Variants in SGCE observed in about 807,000 individuals in gnomAD.
SGCE encodes sarcoglycan epsilon, also known as epsilon-sarcoglycan.
Under a neutral mutation model 57.8 loss-of-function variants are expected in SGCE, and 26 were observed. That is an observed-to-expected ratio of 0.45 (90% confidence interval 0.33 to 0.62). The LOEUF is 0.62. Among genes scored for constraint, SGCE ranks in the 20% least tolerant of loss-of-function variants. The probability of loss-of-function intolerance (pLI) is 0.02; values close to 1 mark genes in which losing one functional copy is unlikely to be tolerated. For synonymous variants in SGCE, 183 were observed against 189.5 expected (o/e 0.97, Z 0.28); for missense variants, 468 against 548.6 (o/e 0.85, Z 1.47).
chr7:94,651,311 T>A (rs1807837703), intron 1 of SGCE, among the ~76,000 whole-genome samples: 1 of 152,228 alleles, frequency 6.6e-6, no homozygotes, highest in Non-Finnish European at 1.5e-5. Context: ...TTTCAATTAA[T>A]CCATGGATTT....
At chr7:94,647,189 C>T (rs529943792) in intron 1 of SGCE, among the ~76,000 whole-genome samples, 24 of 152,088 alleles carry the variant, frequency 1.6e-4, no homozygotes, top group South Asian at 8.3e-4. Context: ...CAAACTAGGA[C>T]CCATACTCTT....
intron 5 of SGCE, among the ~76,000 whole-genome samples, chr7:94,612,506 G>A (rs992087134): frequency 1.3e-5 from 2 of 152,096 alleles, no homozygotes; most frequent in African/African-American, 4.8e-5. Context: ...TTTTATGGCA[G>A]TATAATTTCT....
At chr7:94,609,042 C>T (rs1800599086) in intron 5 of SGCE, among the ~76,000 whole-genome samples, 1 of 152,058 alleles carries the variant, frequency 6.6e-6, no homozygotes, top group Admixed American at 6.6e-5. Flanking sequence ...AAGGCACAAT[C>T]CATGAAAGAA....
chr7:94,624,402 A>G (rs1195141551), intron 3 of SGCE: 2 of 392,906 alleles, frequency 5.1e-6, no homozygotes, highest in East Asian at 7.2e-5. Flanking sequence ...AGAATTTTGA[A>G]ATAAATAATT....
intron 1 of SGCE, among the ~76,000 whole-genome samples, chr7:94,649,640 A>G (rs907541692): frequency 1.3e-5 from 2 of 152,344 alleles, no homozygotes; most frequent in Middle Eastern, 6.8e-3. Context: ...TGTTTGCATT[A>G]TTACAATCCC....
intron 1 of SGCE, among the ~76,000 whole-genome samples, chr7:94,630,769 C>T (rs908454624): frequency 6.6e-6 from 1 of 151,856 alleles, no homozygotes; most frequent in Non-Finnish European, 1.5e-5. Flanking sequence ...GAGATAAACC[C>T]TATCAGGCCA....
At chr7:94,639,297 A>T in intron 1 of SGCE, 1 of 1,178,378 alleles carries the variant, frequency 8.5e-7, no homozygotes, top group Non-Finnish European at 1.2e-6. Flanking sequence ...GCAGACATTT[A>T]ATTGGCTCCC....
chr7:94,594,885 AAC>A (rs1301525574), intron 9 of SGCE, among the ~76,000 whole-genome samples: 6 of 152,122 alleles, frequency 3.9e-5, no homozygotes, highest in African/African-American at 1.4e-4. Context: ...AAGCAAAAGA[AAC>A]ACAGTACAAA....
rs1023091295 is a variant in SGCE, at chr7:94,588,709, A to C, written c.1277T>G (p.Ile426Ser). 6.2e-7 allele frequency: 1 copy of C among 1,609,570 alleles called. No individual in the cohort carries two copies. Among genetic ancestry groups the C allele is most frequent in the African/African-American group, 1.3e-5 (1 of 74,802 alleles). Residue 426 changes from isoleucine to serine, a missense_variant, in exon 10 of 11, where the codon ATT (isoleucine) becomes AGT (serine). Ile to Ser is a moderately radical substitution (Grantham distance 142). Coordinates refer to ENST00000648936, the MANE Select transcript of SGCE (RefSeq NM_003919.3). ...TQQNLPHQTQ[I>S]PQQQTTGKWY... ...CTCACCTGTAGTCTGCTGTTGGGGA[A>C]TCTGAGTCTGATGTGGCAAGTTCCT...
chr7:94,637,258 A>G (rs1401619092), intron 1 of SGCE, among the ~76,000 whole-genome samples: 1 of 148,850 alleles, frequency 6.7e-6, no homozygotes, highest in Non-Finnish European at 1.5e-5. Flanking sequence ...AGTATTTGTT[A>G]TTATAATTTT....
At chr7:94,604,612 G>A (rs1188316331) in intron 5 of SGCE, among the ~76,000 whole-genome samples, 1 of 150,052 alleles carries the variant, frequency 6.7e-6, no homozygotes, top group Admixed American at 6.7e-5. Context: ...TATCATCACA[G>A]GTACCAAGAC....
intron 1 of SGCE, among the ~76,000 whole-genome samples, chr7:94,635,084 A>G (rs1805415237): frequency 6.6e-6 from 1 of 152,190 alleles, no homozygotes; most frequent in Admixed American, 6.6e-5. Flanking sequence ...ACTTATTAAT[A>G]AGCAATTAAA....
intron 1 of SGCE, chr7:94,644,711 T>C (rs1458384644): frequency 4.1e-6 from 4 of 987,396 alleles, no homozygotes; most frequent in Admixed American, 4.7e-5. Context: ...GTTGGTTATA[T>C]AGCTCACGTG....
intron 5 of SGCE, among the ~76,000 whole-genome samples, chr7:94,611,557 T>C (rs1189038038): frequency 2.0e-5 from 3 of 152,158 alleles, no homozygotes; most frequent in Non-Finnish European, 4.4e-5. Context: ...AACAACTTTC[T>C]AAAATTGGTT....
chr7:94,597,755 T>A (rs902012351), intron 9 of SGCE: 1 of 152,294 alleles, frequency 6.6e-6, no homozygotes, highest in Admixed American at 6.6e-5. Context: ...ACACCTGTAA[T>A]CCCAGTACTT....
intron 8 of SGCE, chr7:94,599,431 CATAAT>C: frequency 2.2e-6 from 1 of 449,560 alleles, no homozygotes; most frequent in Non-Finnish European, 3.9e-6. Context: ...TTGGAAATCA[CATAAT>C]ATAAATGGTA....
At chr7:94,613,618 C>A (rs181736253) in intron 5 of SGCE, among the ~76,000 whole-genome samples, 36 of 152,164 alleles carry the variant, frequency 2.4e-4, no homozygotes, top group Admixed American at 5.2e-4. Flanking sequence ...TTATTGAGGC[C>A]TTTACATTTA....
At chr7:94,619,762 C>T (rs1418347050) in intron 4 of SGCE, 1 of 152,164 alleles carries the variant, frequency 6.6e-6, no homozygotes, top group African/African-American at 2.4e-5. Context: ...ATTCTCACAA[C>T]AAGAGGGTGT....
At chr7:94,606,108 C>T (rs1407212661) in intron 5 of SGCE, among the ~76,000 whole-genome samples, 5 of 152,100 alleles carry the variant, frequency 3.3e-5, no homozygotes, top group African/African-American at 9.7e-5. Flanking sequence ...GGATTACAGG[C>T]GTGAGCTACC....
Sources: gnomAD v4.1 joint callset for allele counts (sites outside exome capture counted in the v4.1 genomes callset) on GRCh38, gnomAD v4.1.1 for gene constraint, MANE v1.5 for transcripts, NCBI Gene and HGNC (gene_info 2026-07-23, HGNC 2026-07-21) for gene names.